The following PLEKHM2 variants were observed in gnomAD, a reference collection of about 807,000 sequenced individuals.
The protein encoded by PLEKHM2 is pleckstrin homology and RUN domain containing M2.
Under a neutral mutation model 116.3 loss-of-function variants are expected in PLEKHM2, and 77 were observed. That is an observed-to-expected ratio of 0.66 (90% CI 0.55 to 0.80). The LOEUF (loss-of-function observed/expected upper bound fraction) is 0.80, where lower values mean the gene tolerates loss of function less well. Ranked by LOEUF, PLEKHM2 falls within the 30% of genes least tolerant of loss-of-function variation. PLEKHM2 has a pLI of 0.00. For synonymous variants in PLEKHM2, 562 were observed against 571.0 expected (o/e 0.98, Z 0.22); for missense variants, 1,183 against 1,354.9 (o/e 0.87, Z 1.99).
chr1:15,721,096 T>C lies in PLEKHM2; in HGVS notation c.653-233T>C, dbSNP rs1571056870. The C allele has an allele frequency of 1.2e-5, 6 of 487,534 alleles. No homozygotes were observed. In the East Asian group the frequency reaches 2.0e-4, roughly 17 times the overall value. 30.2% of individuals were successfully genotyped at this position (487,534 alleles called of 1,614,324 possible). On this transcript the variant is annotated intron_variant, in intron 6 of 19. Coordinates refer to ENST00000375799, the MANE Select transcript of PLEKHM2 (RefSeq NM_015164.4). The surrounding 1 kb of genome is among the most constrained non-coding windows in gnomAD (Gnocchi z 5.1). ...ACCAGCTTCTGGATGTGGAAAGGGG[T>C]CACCCTGACAGGTCTTTCCAGCTGG...
chr1:15,702,228 CACCTTGT>C (rs1024911437), intron 1 of PLEKHM2, among the ~76,000 whole-genome samples: 2 of 152,180 alleles, frequency 1.3e-5, no homozygotes, highest in African/African-American at 4.8e-5. Context: ...CGTCCTCACC[CACCTTGT>C]ACCTACAGCA....
At chr1:15,691,781 T>G (rs16851946) in intron 1 of PLEKHM2, among the ~76,000 whole-genome samples, 3,728 of 152,206 alleles carry the variant, frequency 0.024, 56 homozygotes, top group Middle Eastern at 0.044. Context: ...TGAGATAGGT[T>G]AGATCTGCAA....
chr1:15,725,187 G>A, intron 7 of PLEKHM2, 130 bp from the exon 8 acceptor site: 3 of 654,224 alleles, frequency 4.6e-6, no homozygotes, highest in Non-Finnish European at 8.1e-6. Flanking sequence ...CTCGAAATGG[G>A]GCCACCCCTG....
Position 15,727,635 on chromosome 1 carries a change from G to A in PLEKHM2, c.1563G>A (p.Thr521=), listed in dbSNP as rs776174180. The change falls in exon 9 of 20, where the codon ACG becomes ACA. Residue 521 remains threonine, a synonymous_variant. Transcript: ENST00000375799. The surrounding 1 kb of genome is among the most constrained non-coding windows in gnomAD (Gnocchi z 7.5). ...GQTPRPLEDT[T]REAQELEAQL... is the part of the protein sequence containing the mutation. Reference sequence around the variant, plus strand: ...CGCCTCGGCCCCTAGAGGATACCACGAGGGAGGCTCAGGAGCTGGAGGCCC... The same window carrying A: ...CGCCTCGGCCCCTAGAGGATACCACAAGGGAGGCTCAGGAGCTGGAGGCCC... The A allele has an allele frequency of 6.9e-6, 11 of 1,592,268 alleles. No individual in the cohort carries two copies. The East Asian group carries it at 9.1e-5, about 13-fold the overall frequency.
Position 15,684,596 on chromosome 1 carries a change from A to T in PLEKHM2, c.38A>T (p.Asn13Ile). The change falls in exon 1 of 20, where the codon AAC becomes ATC. Residue 13 changes from asparagine (N) to isoleucine (I), a missense_variant. Asn to Ile is a moderately radical substitution (Grantham distance 149). Around this residue, in one of 3 missense-constraint regions of PLEKHM2, gnomAD observed 217 missense variants for 277.6 expected, o/e 0.78. Transcript: ENST00000375799. ...PGEVKDRILENISLSVKKLQS... is the reference protein window; with the variant it reads ...PGEVKDRILEIISLSVKKLQS... ...GAGGTGAAGGACCGGATCCTGGAGA[A>T]CATCTCGCTGTCGGTGAAGAAGGTG... is the stretch of plus-strand genomic sequence containing the variant. 1 of 1,312,172 alleles carries T rather than the reference A, an allele frequency of 7.6e-7. No homozygotes were observed. Among genetic ancestry groups the T allele is most frequent in the Middle Eastern group, 2.1e-4 (1 of 4,724 alleles). The allele number at this position is 1,312,172 out of a possible 1,614,324, so 81.3% of individuals were successfully genotyped here.
chr1:15,729,273 G>A lies in PLEKHM2; in HGVS notation c.2075+83G>A. On this transcript the variant is annotated intron_variant, in intron 13 of 19. Coordinates refer to ENST00000375799, the MANE Select transcript of PLEKHM2 (RefSeq NM_015164.4). The surrounding 1 kb of genome is among the most constrained non-coding windows in gnomAD (Gnocchi z 4.7). ...GTGGGTGGCCTGGGGGTCAGGGGTG[G>A]AGGTGGAAAGTGGGAGATCCAGGAG... 2 of 1,164,506 alleles carry A rather than the reference G, an allele frequency of 1.7e-6. No homozygotes were observed. Among genetic ancestry groups the A allele is most frequent in the Non-Finnish European group, 2.5e-6 (2 of 793,128 alleles). The allele number at this position is 1,164,506 out of a possible 1,614,324, so 72.1% of individuals were successfully genotyped here.
At chr1:15,706,038 G>A (rs764524781) in intron 1 of PLEKHM2, among the ~76,000 whole-genome samples, 45 of 152,198 alleles carry the variant, frequency 3.0e-4, no homozygotes, top group Non-Finnish European at 4.6e-4. Flanking sequence ...CCAAGATCGC[G>A]CCATTGCACT....
rs367978433 is a variant in PLEKHM2 at position 15,732,592 on chromosome 1, G to C, written c.2806-20G>C. 709 of 1,595,484 alleles carry C rather than the reference G, an allele frequency of 4.4e-4. No individual in the cohort carries two copies. Among genetic ancestry groups the C allele is most frequent in the Non-Finnish European group, 5.8e-4 (677 of 1,170,740 alleles). ...GAAGGAAAGCTCTGGCTGCTCACCC[G>C]GGGGCCTGGCTCTCCCTAGGAGTTC... is the stretch of plus-strand genomic sequence containing the variant. On this transcript the variant is annotated intron_variant, in intron 18 of 19. Transcript: ENST00000375799.
chr1:15,708,165 G>A (rs996370844), intron 1 of PLEKHM2, among the ~76,000 whole-genome samples: 2 of 151,710 alleles, frequency 1.3e-5, no homozygotes, highest in African/African-American at 2.4e-5. Flanking sequence ...GATTACCAGC[G>A]TGAGCCACTG....
chr1:15,716,121 G>A, intron 1 of PLEKHM2, 116 bp from the exon 2 acceptor site: 1 of 652,080 alleles, frequency 1.5e-6, no homozygotes, highest in Non-Finnish European at 2.7e-6. Context: ...CGTCTCTGCT[G>A]GTCATTGTGG....
At chr1:15,697,347 C>T (rs1557642609) in intron 1 of PLEKHM2, among the ~76,000 whole-genome samples, 1 of 152,208 alleles carries the variant, frequency 6.6e-6, no homozygotes, top group Non-Finnish European at 1.5e-5. Flanking sequence ...CTTGGCAGAA[C>T]CTCTTAGCAG....
chr1:15,725,479 C>G lies in PLEKHM2; in HGVS notation c.875C>G (p.Ser292Cys). Residue 292 changes from serine to cysteine, a missense_variant, in exon 8 of 20, where the codon TCT becomes TGT. Ser to Cys is a moderately radical substitution (Grantham distance 112, BLOSUM62 -1). Transcript: ENST00000375799. ...SSDTTPVHTT[S>C]QEKEEAQALD... ...GACACCACCCCCGTGCACACCACCT[C>G]TCAGGAGAAGGAGGAGGCCCAGGCC... 6.3e-7 allele frequency: 1 copy of G among 1,581,278 alleles called. No individual in the cohort carries two copies. Among genetic ancestry groups the G allele is most frequent in the Non-Finnish European group, 8.6e-7 (1 of 1,164,574 alleles).
Position 15,716,649 on chromosome 1 carries a change from T to C in PLEKHM2, c.168-58T>C, listed in dbSNP as rs1376335843. On this transcript the variant is annotated intron_variant, in intron 2 of 19. Transcript: ENST00000375799. ...TGCGCTCACTGCTGGACCAGCCGAC[T>C]GCAGCTTCCCAGGGTGGCCCCATGC... 4.5e-6 allele frequency: 7 copies of C among 1,538,938 alleles called. No homozygotes were observed. In the African/African-American group the frequency reaches 9.6e-5, roughly 21 times the overall value.
chr1:15,711,616 CAA>C (rs59444789), intron 1 of PLEKHM2, among the ~76,000 whole-genome samples: 1 of 119,684 alleles, frequency 8.4e-6, no homozygotes, highest in Admixed American at 8.9e-5. Flanking sequence ...GGCTCCATCT[CAA>C]AAAAAAAAAA....
rs373592583 is a variant in PLEKHM2 at position 15,713,158 on chromosome 1, G to T, written c.61-3079G>T. ...TGTAGACACAGCGTTTTGCTATGTG[G>T]CTGAGGCTGGTCTCAAACTCCTGGC... On this transcript the variant is annotated intron_variant, in intron 1 of 19. Transcript: ENST00000375799. 2.6e-5 allele frequency among the ~76,000 whole-genome samples: 4 copies of T among 152,124 alleles called. No individual in the cohort carries two copies. In the South Asian group the frequency reaches 6.2e-4, roughly 24 times the overall value.
chr1:15,697,694 C>T (rs7519812), intron 1 of PLEKHM2, among the ~76,000 whole-genome samples: 14,593 of 152,160 alleles, frequency 0.096, 946 homozygotes, highest in African/African-American at 0.18. Context: ...GACAGGGTCT[C>T]ACTCTGTCAC....
At position 15,721,797 on chromosome 1, in the gene PLEKHM2, A is replaced by G. The variant is rs2068000526; in HGVS notation, c.712+409A>G. On this transcript the variant is annotated intron_variant, in intron 7 of 19. Coordinates refer to ENST00000375799, the MANE Select transcript of PLEKHM2 (RefSeq NM_015164.4). This position sits in a 1 kb window ranked among gnomAD's most constrained non-coding sequence, Gnocchi z 5.1. The stretch of plus-strand genomic sequence containing the variant: ...TGCGGGTCAGATGAGCATCGAAGAG[A>G]AAGAGCTTGATTCTTTCAGTCTGTT... Among the ~76,000 whole-genome samples the G allele has an allele frequency of 1.3e-5, 2 of 152,198 alleles. No homozygotes were observed. The highest frequency in any genetic ancestry group is 1.5e-5 in the Non-Finnish European group (1 of 68,036).
rs1452537852 is a variant in PLEKHM2 at position 15,725,554 on chromosome 1, G to A, written c.941+9G>A. On this transcript the variant is annotated intron_variant, in intron 8 of 19. Transcript: ENST00000375799. ...GAGCTCGAGGTCATCAGGTCAGCAG[G>A]GAGGGGCCCAGAAAGGAGCTGAGGT... is the stretch of plus-strand genomic sequence containing the variant. 1 of 1,549,780 alleles carries A rather than the reference G, an allele frequency of 6.5e-7. No individual in the cohort carries two copies. The highest frequency in any genetic ancestry group is 1.2e-5 in the South Asian group (1 of 84,118).
At chr1:15,701,820 G>T (rs1641120197) in intron 1 of PLEKHM2, among the ~76,000 whole-genome samples, 1 of 151,956 alleles carries the variant, frequency 6.6e-6, no homozygotes, top group Non-Finnish European at 1.5e-5. Flanking sequence ...ACCCCAGCCT[G>T]CCTGCCTCAC....
Sources: allele counts gnomAD v4.1 joint callset (sites outside exome capture counted in the v4.1 genomes callset), GRCh38; gene constraint gnomAD v4.1.1; regional missense constraint gnomAD v4.1.1; non-coding constraint Gnocchi (gnomAD v3.1); transcripts MANE v1.5; gene names NCBI Gene and HGNC (gene_info 2026-07-23, HGNC 2026-07-21).